Variants in ARMH4 observed in about 807,000 individuals in gnomAD.
ARMH4 encodes the protein armadillo-like helical domain-containing protein 4.
ARMH4 carries 49 observed loss-of-function variants against 61.9 expected under a neutral mutation model. The observed-to-expected ratio is 0.79, with a 90% CI of 0.63 to 1.00. ARMH4 has a LOEUF of 1.00. Among genes scored for constraint, ARMH4 ranks in the 50% least tolerant of loss-of-function variants. ARMH4 has a pLI of 0.00. For missense variants in ARMH4, 934 were observed against 930.0 expected (o/e 1.00, Z -0.06); for synonymous variants, 368 against 341.5 (o/e 1.08, Z -0.85).
intron 6 of ARMH4, among the ~76,000 whole-genome samples, chr14:58,011,750 G>C (rs1327454889): frequency 1.4e-5 from 2 of 138,422 alleles, no homozygotes; most frequent in African/African-American, 5.3e-5. Context: ...TACACACCTA[G>C]AGAGTCTCAT....
chr14:58,138,068 G>C lies in ARMH4; in HGVS notation c.1291C>G (p.Leu431Val). The change falls in exon 2 of 8, where the codon CTG (leucine) becomes GTG (valine). Residue 431 changes from leucine (L) to valine (V), a missense_variant. Transcript: ENST00000267485. ...GAAACAGTGGTTTCTAAGAAAAACA[G>C]GGCATCGTTTTCCTTGGTGGATTCC... ...FTESTKENDA[L>V]FFLETTVSVS... 1 of 1,614,176 alleles carries C rather than the reference G, an allele frequency of 6.2e-7. No homozygotes were observed. The highest frequency in any genetic ancestry group is 8.5e-7 in the Non-Finnish European group (1 of 1,180,006).
intron 5 of ARMH4, among the ~76,000 whole-genome samples, chr14:58,040,486 A>C (rs900403988): frequency 1.2e-4 from 18 of 152,210 alleles, no homozygotes; most frequent in Non-Finnish European, 2.6e-4. Flanking sequence ...CCTGCAAAGG[A>C]CATTATCTTG....
intron 4 of ARMH4, among the ~76,000 whole-genome samples, chr14:58,131,041 C>T (rs1409623360): frequency 6.6e-6 from 1 of 152,172 alleles, no homozygotes; most frequent in Non-Finnish European, 1.5e-5. Context: ...TAATGGTCAA[C>T]TATAGTTGAG....
chr14:58,059,841 G>C (rs1884472215), intron 5 of ARMH4, among the ~76,000 whole-genome samples: 1 of 152,156 alleles, frequency 6.6e-6, no homozygotes, highest in Admixed American at 6.5e-5. Flanking sequence ...CAAAGCCCTA[G>C]ACACTGCGTT....
intron 5 of ARMH4, among the ~76,000 whole-genome samples, chr14:58,044,126 T>G (rs1015922272): frequency 6.6e-6 from 1 of 152,104 alleles, no homozygotes; most frequent in Non-Finnish European, 1.5e-5. Flanking sequence ...TTAAAGTTCA[T>G]ATGGAACCAA....
intron 4 of ARMH4, among the ~76,000 whole-genome samples, chr14:58,097,262 T>TATATTTA (rs1166973453): frequency 1.1e-4 from 17 of 152,342 alleles, no homozygotes; most frequent in African/African-American, 3.8e-4. Context: ...TAAAGTTATT[T>TATATTTA]ATATTTACAA....
intron 5 of ARMH4, among the ~76,000 whole-genome samples, chr14:58,073,439 T>C (rs566859008): frequency 6.6e-6 from 1 of 152,306 alleles, no homozygotes; most frequent in Non-Finnish European, 1.5e-5. Flanking sequence ...GTCCTCTTTA[T>C]CAGGTTGTTC....
chr14:58,026,492 C>T (rs1883025361), intron 5 of ARMH4, among the ~76,000 whole-genome samples: 1 of 152,134 alleles, frequency 6.6e-6, no homozygotes, highest in Non-Finnish European at 1.5e-5. Flanking sequence ...CACATTTGCA[C>T]TACCTGATCT....
rs1162942592 is a variant in ARMH4 at position 58,138,758 on chromosome 14, C to T, written c.601G>A (p.Gly201Ser). 1 of 1,614,198 alleles carries T rather than the reference C, an allele frequency of 6.2e-7. No homozygotes were observed. The highest frequency in any genetic ancestry group is 1.7e-5 in the Admixed American group (1 of 60,034). ...TAGGATGAAGGTGAATGTCCCAAAC[C>T]AACTCCTTCCTGACTTTCAGTTGCA... Reference protein sequence around the residue: ...SFATESQEGVGLGHSPSSYVN... With the variant: ...SFATESQEGVSLGHSPSSYVN... Residue 201 changes from glycine (G) to serine (S), a missense_variant, in exon 2 of 8, where the codon GGT becomes AGT. By Grantham distance (56) the Gly-to-Ser change is moderately conservative. Coordinates refer to ENST00000267485, the MANE Select transcript of ARMH4 (RefSeq NM_001001872.4).
intron 5 of ARMH4, among the ~76,000 whole-genome samples, chr14:58,077,305 T>A (rs369182429): frequency 6.6e-6 from 1 of 152,118 alleles, no homozygotes; most frequent in East Asian, 1.9e-4. Context: ...GTGAAAAAAT[T>A]AGGTAGAATA....
rs751260424 is a variant in ARMH4 at position 58,096,720 on chromosome 14, T to G, written c.2089+4A>C. ...AGGAAAAGGGAAATACACATGACTCTTACCCAGGCCTTGATTCTGCTGTTC... is the reference window on the plus strand; with the variant it reads ...AGGAAAAGGGAAATACACATGACTCGTACCCAGGCCTTGATTCTGCTGTTC... On this transcript the variant is annotated splice_donor_region_variant and intron_variant, in intron 5 of 7. Transcript: ENST00000267485. 1 of 1,613,366 alleles carries G rather than the reference T, an allele frequency of 6.2e-7. No homozygotes were observed.
At chr14:58,151,627 T>C (rs12895032) in intron 1 of ARMH4, among the ~76,000 whole-genome samples, 4 of 152,076 alleles carry the variant, frequency 2.6e-5, no homozygotes, top group African/African-American at 7.2e-5. Flanking sequence ...CTGAGTGGCA[T>C]TGGGGACACT....
At chr14:58,057,078 A>G (rs1884370315) in intron 5 of ARMH4, among the ~76,000 whole-genome samples, 2 of 152,174 alleles carry the variant, frequency 1.3e-5, no homozygotes, top group South Asian at 2.1e-4. Context: ...AGCACCTACC[A>G]ATTTGGAATG....
chr14:58,130,609 GTCT>G (rs75586567), intron 4 of ARMH4, among the ~76,000 whole-genome samples: 33,821 of 151,986 alleles, frequency 0.22, 4,488 homozygotes, highest in East Asian at 0.63. Context: ...CATATTTCTA[GTCT>G]TCTTATTTGT....
At chr14:58,031,706 C>T (rs1362229028) in intron 5 of ARMH4, among the ~76,000 whole-genome samples, 1 of 152,182 alleles carries the variant, frequency 6.6e-6, no homozygotes, top group Non-Finnish European at 1.5e-5. Context: ...GATACACTAA[C>T]AAATTGAAAT....
At chr14:58,044,089 T>C (rs2141187894) in intron 5 of ARMH4, among the ~76,000 whole-genome samples, 1 of 152,304 alleles carries the variant, frequency 6.6e-6, no homozygotes, top group Non-Finnish European at 1.5e-5. Flanking sequence ...ACCAATGACT[T>C]TCTTCACAGA....
At chr14:58,058,076 GA>G (rs1156639034) in intron 5 of ARMH4, among the ~76,000 whole-genome samples, 1 of 152,196 alleles carries the variant, frequency 6.6e-6, no homozygotes, top group Non-Finnish European at 1.5e-5. Flanking sequence ...AGCAAAGGAA[GA>G]TAGTATAGTC....
intron 5 of ARMH4, among the ~76,000 whole-genome samples, chr14:58,059,128 G>T (rs1594729452): frequency 6.6e-6 from 1 of 152,312 alleles, no homozygotes; most frequent in East Asian, 1.9e-4. Flanking sequence ...GTTTAAGGTT[G>T]AACAAGTAAT....
At chr14:58,094,278 C>G (rs1398387471) in intron 5 of ARMH4, among the ~76,000 whole-genome samples, 2 of 148,580 alleles carry the variant, frequency 1.3e-5, no homozygotes, top group Non-Finnish European at 3.0e-5. Flanking sequence ...TGCAGTGAGT[C>G]GAGATCGCCC....
Sources: allele counts gnomAD v4.1 joint callset (sites outside exome capture counted in the v4.1 genomes callset), GRCh38; gene constraint gnomAD v4.1.1; transcripts MANE v1.5; gene names NCBI Gene and HGNC (gene_info 2026-07-23, HGNC 2026-07-21).